The following MDFIC variants were observed in gnomAD, a reference collection of about 807,000 sequenced individuals.
MDFIC encodes the protein myoD family inhibitor domain-containing protein.
MDFIC carries 17 observed loss-of-function variants against 23.2 expected under a neutral mutation model. The ratio of observed to expected loss-of-function variants is 0.73; its 90% CI spans 0.50 to 1.10. The LOEUF (loss-of-function observed/expected upper bound fraction) is 1.10, where lower values mean the gene tolerates loss of function less well. MDFIC is among the 50% of genes least tolerant of loss of function. MDFIC has a pLI of 0.00. For synonymous variants in MDFIC, 120 were observed against 115.2 expected (o/e 1.04, Z -0.27); for missense variants, 356 against 316.6 (o/e 1.12, Z -0.95).
At chr7:114,996,488 G>A (rs1791333696) in intron 4 of MDFIC, among the ~76,000 whole-genome samples, 3 of 152,098 alleles carry the variant, frequency 2.0e-5, no homozygotes, top group Admixed American at 2.0e-4. Flanking sequence ...TGTTTGGTTT[G>A]GAATATATTG....
intron 1 of MDFIC, 93 bp from the exon 2 acceptor site, chr7:114,922,834 G>T: frequency 7.1e-7 from 1 of 1,408,870 alleles, no homozygotes. Flanking sequence ...GAGTTTGAGG[G>T]AGGGAAGTGG....
intron 4 of MDFIC, among the ~76,000 whole-genome samples, chr7:114,993,217 T>C (rs1306180080): frequency 1.3e-5 from 2 of 152,208 alleles, no homozygotes; most frequent in African/African-American, 2.4e-5. Flanking sequence ...TCATTTTTTA[T>C]TGTGTCTATT....
chr7:114,977,709 A>C (rs919039895), intron 3 of MDFIC, among the ~76,000 whole-genome samples: 1 of 152,008 alleles, frequency 6.6e-6, no homozygotes, highest in Non-Finnish European at 1.5e-5. Flanking sequence ...TCATTGTCTA[A>C]AAAATCATAT....
chr7:114,968,460 T>G (rs1330178337), intron 3 of MDFIC, among the ~76,000 whole-genome samples: 1 of 152,224 alleles, frequency 6.6e-6, no homozygotes, highest in Non-Finnish European at 1.5e-5. Flanking sequence ...GTTTGGAAAC[T>G]TTTGTTGCAC....
At chr7:114,955,941 A>G (rs1792875271) in intron 3 of MDFIC, among the ~76,000 whole-genome samples, 1 of 152,162 alleles carries the variant, frequency 6.6e-6, no homozygotes, top group South Asian at 2.1e-4. Context: ...TATAAGACTG[A>G]GCTCAGAAAA....
intron 3 of MDFIC, among the ~76,000 whole-genome samples, chr7:114,961,758 G>T (rs191126665): frequency 2.6e-5 from 4 of 152,146 alleles, no homozygotes; most frequent in African/African-American, 4.8e-5. Context: ...GATCTCATGA[G>T]AACTCACTAT....
intron 4 of MDFIC, among the ~76,000 whole-genome samples, chr7:115,006,211 T>G (rs909867219): frequency 3.9e-5 from 6 of 152,232 alleles, no homozygotes; most frequent in African/African-American, 1.4e-4. Flanking sequence ...AAAAGTGCCC[T>G]TTGGACTCTT....
At chr7:115,002,084 C>T (rs1791476963) in intron 4 of MDFIC, among the ~76,000 whole-genome samples, 1 of 152,114 alleles carries the variant, frequency 6.6e-6, no homozygotes, top group African/African-American at 2.4e-5. Context: ...TTGCCGTGTG[C>T]CGAGATTGTG....
intron 4 of MDFIC, among the ~76,000 whole-genome samples, chr7:115,003,332 C>G (rs991029138): frequency 1.3e-5 from 2 of 152,208 alleles, no homozygotes; most frequent in Non-Finnish European, 2.9e-5. Context: ...AACTCCAGAT[C>G]ATGGTCTGCA....
At chr7:114,977,670 C>T (rs1793343056) in intron 3 of MDFIC, among the ~76,000 whole-genome samples, 1 of 152,080 alleles carries the variant, frequency 6.6e-6, no homozygotes, top group Admixed American at 6.6e-5. Flanking sequence ...CACAACACAA[C>T]AGGTGAATAT....
At position 115,015,688 on chromosome 7, in the gene MDFIC, A is replaced by T; in HGVS notation, c.494A>T (p.Asp165Val). Reference protein sequence around the residue: ...FSQKTGSSPEDCCVHCILACL... With the variant: ...FSQKTGSSPEVCCVHCILACL... ...GGTCTCCTCATCACTGAAAATGAAG[A>T]TTGTTGTGTCCACTGTATCCTGGCT... Residue 165 changes from aspartate to valine, a missense_variant and splice_region_variant, in exon 5 of 5, where the codon GAT becomes GTT. Asp to Val is a radical substitution (Grantham distance 152, BLOSUM62 -3). Coordinates refer to ENST00000393486, the MANE Select transcript of MDFIC (RefSeq NM_001166345.3). 6.2e-7 allele frequency: 1 copy of T among 1,613,510 alleles called. No individual in the cohort carries two copies. Among genetic ancestry groups the T allele is most frequent in the Middle Eastern group, 1.7e-4 (1 of 6,060 alleles).
Position 114,922,722 on chromosome 7 carries a change from C to A in MDFIC, c.-108+86C>A, listed in dbSNP as rs777501189. ...CCAAACCCGATCTCTCTTTCCAGCC[C>A]CTCCCCGCTGGGTCCACCTCGGACC... On this transcript the variant is annotated intron_variant, in intron 1 of 4. Coordinates refer to ENST00000393486, the MANE Select transcript of MDFIC (RefSeq NM_001166345.3). 986 of 1,358,330 alleles carry A rather than the reference C, an allele frequency of 7.3e-4. 1 individual carries two copies. Among genetic ancestry groups the A allele is most frequent in the Non-Finnish European group, 7.3e-4 (764 of 1,045,492 alleles). 84.1% of individuals were successfully genotyped at this position (1,358,330 alleles called of 1,614,324 possible).
At chr7:115,005,098 A>C (rs1042886482) in intron 4 of MDFIC, among the ~76,000 whole-genome samples, 1 of 152,260 alleles carries the variant, frequency 6.6e-6, no homozygotes, top group Non-Finnish European at 1.5e-5. Flanking sequence ...TTAGTTATAG[A>C]AAATAGATTA....
At chr7:114,967,451 C>A (rs1309917377) in intron 3 of MDFIC, among the ~76,000 whole-genome samples, 5 of 152,220 alleles carry the variant, frequency 3.3e-5, no homozygotes, top group African/African-American at 1.2e-4. Flanking sequence ...GGGCAATAGT[C>A]AGATGAGAAA....
At chr7:114,930,708 A>G (rs1431102248) in intron 2 of MDFIC, among the ~76,000 whole-genome samples, 4 of 152,198 alleles carry the variant, frequency 2.6e-5, no homozygotes, top group Non-Finnish European at 5.9e-5. Context: ...GGAAACATCA[A>G]TTGACACCAT....
At chr7:114,932,616 C>T (rs143899643) in intron 2 of MDFIC, among the ~76,000 whole-genome samples, 108 of 152,296 alleles carry the variant, frequency 7.1e-4, no homozygotes, top group Admixed American at 1.4e-3. Context: ...TACAAGTTAT[C>T]TCCCTGCAAT....
chr7:114,977,848 C>T (rs1793345725), intron 3 of MDFIC, among the ~76,000 whole-genome samples: 1 of 147,664 alleles, frequency 6.8e-6, no homozygotes, highest in African/African-American at 2.5e-5. Flanking sequence ...TATACTATAC[C>T]CAAATATTAA....
chr7:114,970,809 C>T (rs971014018), intron 3 of MDFIC, among the ~76,000 whole-genome samples: 1 of 152,140 alleles, frequency 6.6e-6, no homozygotes, highest in Non-Finnish European at 1.5e-5. Flanking sequence ...ATTATCATGA[C>T]TTTAGTGGTC....
At chr7:114,931,479 A>T (rs1348498491) in intron 2 of MDFIC, among the ~76,000 whole-genome samples, 2 of 152,226 alleles carry the variant, frequency 1.3e-5, no homozygotes, top group African/African-American at 2.4e-5. Context: ...AACCCTGCCC[A>T]CAAATATTTT....
Sources: allele counts gnomAD v4.1 joint callset (sites outside exome capture counted in the v4.1 genomes callset), GRCh38; gene constraint gnomAD v4.1.1; transcripts MANE v1.5; gene names NCBI Gene and HGNC (gene_info 2026-07-23, HGNC 2026-07-21).